The following DLGAP2 variants were observed in gnomAD, a reference collection of about 807,000 sequenced individuals.
DLGAP2 encodes the protein disks large-associated protein 2.
DLGAP2 carries 26 observed loss-of-function variants against 100.3 expected under a neutral mutation model. That is an observed-to-expected ratio of 0.26 (90% CI 0.19 to 0.36). DLGAP2 has a LOEUF of 0.36. DLGAP2 is among the 10% of genes least tolerant of loss of function. The pLI is 1.00. For synonymous variants in DLGAP2, 886 were observed against 630.1 expected, an observed-to-expected ratio of 1.41 and a Z score of -6.08; for missense variants, 1,858 against 1,453.2, an observed-to-expected ratio of 1.28 and a Z score of -4.53.
In DLGAP2 at chr8:1,277,204, A is replaced by G. The variant is rs1046703712; in HGVS notation, c.106+18321A>G. On this transcript the variant is annotated intron_variant, in intron 3 of 14. Coordinates refer to ENST00000637795, the MANE Select transcript of DLGAP2 (RefSeq NM_001346810.2). ...CAAAGTGTGGCTATTTTACTAATGA[A>G]TTTTTGGAACCCAGGAGTGACTTAT... 2.0e-5 allele frequency among the ~76,000 whole-genome samples: 3 copies of G among 152,152 alleles called. No individual in the cohort carries two copies. In the South Asian group the frequency reaches 6.2e-4, roughly 32 times the overall value.
chr8:1,276,421 C>T (rs1314447492), intron 3 of DLGAP2, among the ~76,000 whole-genome samples: 2 of 152,088 alleles, frequency 1.3e-5, no homozygotes, highest in Admixed American at 6.6e-5. Context: ...GAAACCCACC[C>T]GGCTTTGCTG....
chr8:808,767 T>A (rs751569377), intron 1 of DLGAP2, among the ~76,000 whole-genome samples: 9 of 152,218 alleles, frequency 5.9e-5, no homozygotes, highest in Non-Finnish European at 1.2e-4. Flanking sequence ...GCACCCACCC[T>A]AGGTTTTTAA....
At chr8:1,619,242 C>T (rs77232637) in intron 6 of DLGAP2, among the ~76,000 whole-genome samples, 1 of 152,136 alleles carries the variant, frequency 6.6e-6, no homozygotes. Flanking sequence ...AATTAGTCAT[C>T]CAGGAGGTGA....
At chr8:1,638,189 G>C (rs1001108273) in intron 8 of DLGAP2, among the ~76,000 whole-genome samples, 1 of 152,070 alleles carries the variant, frequency 6.6e-6, no homozygotes. Flanking sequence ...TGTGTTCCCC[G>C]GACTTGGTGC....
At chr8:1,683,455 G>C (rs1799011305) in intron 12 of DLGAP2, among the ~76,000 whole-genome samples, 1 of 151,490 alleles carries the variant, frequency 6.6e-6, no homozygotes, top group Admixed American at 6.6e-5. Flanking sequence ...AGAGCCTTCT[G>C]TGGCCGGGGC....
chr8:1,417,895 G>C (rs1796975747), intron 3 of DLGAP2, among the ~76,000 whole-genome samples: 1 of 152,188 alleles, frequency 6.6e-6, no homozygotes, highest in South Asian at 2.1e-4. Context: ...GCAGTTCCAG[G>C]AGCCTTTTGC....
intron 3 of DLGAP2, among the ~76,000 whole-genome samples, chr8:1,380,517 G>A (rs528598751): frequency 1.1e-4 from 17 of 150,876 alleles, no homozygotes; most frequent in East Asian, 1.0e-3. Context: ...TGTGATAAGC[G>A]AGGCTTTTTT....
chr8:1,549,267 G>T lies in DLGAP2; in HGVS notation c.814G>T (p.Ala272Ser), dbSNP rs139451831. 4 of 1,610,868 alleles carry T rather than the reference G, an allele frequency of 2.5e-6. No homozygotes were observed. The highest frequency in any genetic ancestry group is 4.5e-5 in the East Asian group (2 of 44,808). Residue 272 changes from alanine to serine, a missense_variant, in exon 5 of 15, where the codon GCC (alanine) becomes TCC (serine). Transcript: ENST00000637795. ...RADDHHHAHHAKHSKRSKSKE... is the reference protein window; with the variant it reads ...RADDHHHAHHSKHSKRSKSKE... ...GGACGACCACCACCACGCCCACCAC[G>T]CCAAGCACAGCAAGAGGAGCAAGAG...
chr8:842,121 G>A (rs891053667), intron 1 of DLGAP2, among the ~76,000 whole-genome samples: 12 of 152,078 alleles, frequency 7.9e-5, no homozygotes, highest in African/African-American at 2.2e-4. Context: ...TTCCCTTCTG[G>A]TAATCACTTA....
chr8:1,223,141 C>T (rs959103743), intron 2 of DLGAP2, among the ~76,000 whole-genome samples: 3 of 152,180 alleles, frequency 2.0e-5, no homozygotes, highest in Non-Finnish European at 4.4e-5. Flanking sequence ...CCACTCCATG[C>T]CTGTTTCCCT....
chr8:1,131,072 CAT>C (rs924353672), intron 2 of DLGAP2, among the ~76,000 whole-genome samples: 1 of 152,134 alleles, frequency 6.6e-6, no homozygotes, highest in Non-Finnish European at 1.5e-5. Flanking sequence ...TGAGAAAAAA[CAT>C]GTTTGTTTTT....
chr8:1,368,397 A>ATG (rs1036462502), intron 3 of DLGAP2, among the ~76,000 whole-genome samples: 6 of 149,864 alleles, frequency 4.0e-5, no homozygotes, highest in Admixed American at 2.0e-4. Context: ...GTGTGTGGGT[A>ATG]TGTGTGTGTG....
At chr8:1,046,375 T>G (rs78976164) in intron 2 of DLGAP2, among the ~76,000 whole-genome samples, 9,526 of 152,236 alleles carry the variant, frequency 0.063, 971 homozygotes, top group African/African-American at 0.22. Flanking sequence ...ATTTTGCTTG[T>G]ACTTCATGAT....
At chr8:1,291,085 G>A (rs1438763207) in intron 3 of DLGAP2, among the ~76,000 whole-genome samples, 1 of 152,140 alleles carries the variant, frequency 6.6e-6, no homozygotes, top group Non-Finnish European at 1.5e-5. Flanking sequence ...AACAGTCACA[G>A]GGCCTATAAA....
At position 944,504 on chromosome 8, in the gene DLGAP2, T is replaced by C. The variant is rs372368449; in HGVS notation, c.73+36538T>C. On this transcript the variant is annotated intron_variant, in intron 2 of 14. Coordinates refer to ENST00000637795, the MANE Select transcript of DLGAP2 (RefSeq NM_001346810.2). ...CAGTCCCTGTGGGTGATCCATTGGGTGGTAACCAGTCCATGTGGGTGATCC... is the reference window on the plus strand; with the variant it reads ...CAGTCCCTGTGGGTGATCCATTGGGCGGTAACCAGTCCATGTGGGTGATCC... Among the ~76,000 whole-genome samples, 48 of 151,374 alleles carry C rather than the reference T, an allele frequency of 3.2e-4. 1 individual carries two copies. The highest frequency in any genetic ancestry group is 1.1e-3 in the African/African-American group (44 of 41,092).
intron 3 of DLGAP2, among the ~76,000 whole-genome samples, chr8:1,352,369 CTGGGGCTTCCTCA>C (rs565409640): frequency 1.3e-5 from 2 of 152,168 alleles, no homozygotes; most frequent in African/African-American, 2.4e-5. Context: ...GCGACTCCCC[CTGGGGCTTCCTCA>C]TGGGGCCATC....
chr8:861,980 C>T (rs1457573216), intron 1 of DLGAP2, among the ~76,000 whole-genome samples: 1 of 152,244 alleles, frequency 6.6e-6, no homozygotes, highest in Non-Finnish European at 1.5e-5. Flanking sequence ...CATAAATTCT[C>T]ATCCCACCAA....
chr8:1,605,296 T>G (rs1424104096), intron 6 of DLGAP2, among the ~76,000 whole-genome samples: 1 of 152,068 alleles, frequency 6.6e-6, no homozygotes. Flanking sequence ...GTGGACCAAT[T>G]TGAGCCGAAG....
chr8:1,691,651 T>G, intron 13 of DLGAP2, 25 bp downstream of exon 13: 1 of 1,571,800 alleles, frequency 6.4e-7, no homozygotes, highest in South Asian at 1.1e-5. Context: ...AGTGAACCCC[T>G]GTTCCCTGTA....
Sources: gnomAD v4.1 joint callset for allele counts (sites outside exome capture counted in the v4.1 genomes callset) on GRCh38, gnomAD v4.1.1 for gene constraint, MANE v1.5 for transcripts, NCBI Gene and HGNC (gene_info 2026-07-23, HGNC 2026-07-21) for gene names.